Variants in SPINK6 observed in about 807,000 individuals in gnomAD.
SPINK6 encodes serine protease inhibitor Kazal-type 6.
In SPINK6, 13 loss-of-function variants were observed where a neutral mutation model predicts 11.7. The ratio of observed to expected loss-of-function variants is 1.11; its 90% CI spans 0.72 to 1.76. SPINK6 has a LOEUF of 1.76. Ranked by LOEUF, SPINK6 falls within the 40% of genes most tolerant of loss-of-function variation. The pLI is 0.00. For synonymous variants in SPINK6, 21 were observed against 31.9 expected, an observed-to-expected ratio of 0.66 and a Z score of 1.15; for missense variants, 98 against 93.7, an observed-to-expected ratio of 1.05 and a Z score of -0.19.
At position 148,203,111 on chromosome 5, in the gene SPINK6, C is replaced by T. The variant is rs562757764; in HGVS notation, c.15C>T (p.Gly5=). MKLS[G]MFLLLSLALF... ...TAACTGACACAATGAAACTGTCAGG[C>T]ATGTTTCTGCTCCTCTCTCTGGCTC... Residue 5 remains glycine (G), a synonymous_variant, in exon 1 of 4, where the codon GGC becomes GGT. Coordinates refer to ENST00000325630, the MANE Select transcript of SPINK6 (RefSeq NM_205841.4). 9.1e-5 allele frequency: 147 copies of T among 1,611,396 alleles called. No individual in the cohort carries two copies. In the South Asian group the frequency reaches 1.5e-3, roughly 16 times the overall value.
chr5:148,213,745 G>A (rs1162600086), intron 2 of SPINK6, among the ~76,000 whole-genome samples, 165 bp from the exon 3 acceptor site: 2 of 151,990 alleles, frequency 1.3e-5, no homozygotes, highest in Non-Finnish European at 2.9e-5. Context: ...TACTTAAGTA[G>A]GTAAGTAGAA....
At chr5:148,204,709 T>C (rs1447174775) in intron 1 of SPINK6, among the ~76,000 whole-genome samples, 1 of 152,016 alleles carries the variant, frequency 6.6e-6, no homozygotes, top group East Asian at 1.9e-4. Context: ...ATAGTGCATG[T>C]TTAACAAATG....
chr5:148,214,021 A>G lies in SPINK6; in HGVS notation c.193A>G (p.Ile65Val). The G allele has an allele frequency of 6.3e-7, 1 of 1,579,084 alleles. No individual in the cohort carries two copies. The highest frequency in any genetic ancestry group is 8.7e-7 in the Non-Finnish European group (1 of 1,148,042). Residue 65 changes from isoleucine (I) to valine (V), a missense_variant, in exon 3 of 4, where the codon ATA becomes GTA. Ile to Val is a conservative substitution (Grantham distance 29). Transcript: ENST00000325630. ...CAATAAATGTGCCTTCTGTAAGGCC[A>G]TAGTGTAAGTATTATATTCATCAAA... The part of the protein sequence containing the change: ...YGNKCAFCKA[I>V]VKSGGKISLK...
chr5:148,203,374 G>A (rs190561589), intron 1 of SPINK6, among the ~76,000 whole-genome samples: 13 of 152,180 alleles, frequency 8.5e-5, no homozygotes, highest in South Asian at 6.2e-4. Flanking sequence ...AGGCATGTAC[G>A]AAGGGATTTT....
At chr5:148,209,991 T>TACATACGTACGTGTGTATGTATAC (rs1398978551) in intron 2 of SPINK6, among the ~76,000 whole-genome samples, 2 of 145,404 alleles carry the variant, frequency 1.4e-5, no homozygotes, top group African/African-American at 2.5e-5. Flanking sequence ...TATGTATACA[T>TACATACGTACGTGTGTATGTATAC]ATACACGTAT....
In SPINK6 at chr5:148,214,026, G is replaced by T; in HGVS notation, c.197+1G>T. ...AATGTGCCTTCTGTAAGGCCATAGT[G>T]TAAGTATTATATTCATCAAAGCTGA... is the stretch of plus-strand genomic sequence containing the variant. On this transcript the variant is annotated splice_donor_variant, in intron 3 of 3. Transcript: ENST00000325630. LOFTEE classifies it high-confidence loss of function. The T allele has an allele frequency of 6.4e-7, 1 of 1,567,066 alleles. No homozygotes were observed. The highest frequency in any genetic ancestry group is 8.8e-7 in the Non-Finnish European group (1 of 1,137,274).
intron 1 of SPINK6, among the ~76,000 whole-genome samples, chr5:148,203,661 A>G (rs1755462604): frequency 6.6e-6 from 1 of 152,198 alleles, no homozygotes; most frequent in South Asian, 2.1e-4. Flanking sequence ...AAATAATTAA[A>G]TTAAGACAAT....
At chr5:148,211,810 C>T (rs571750820) in intron 2 of SPINK6, among the ~76,000 whole-genome samples, 2 of 152,296 alleles carry the variant, frequency 1.3e-5, no homozygotes, top group Admixed American at 6.5e-5. Context: ...TCTTCCTAGT[C>T]TTCTTCCACG....
intron 2 of SPINK6, among the ~76,000 whole-genome samples, chr5:148,207,623 G>A (rs968505809): frequency 6.6e-6 from 1 of 152,126 alleles, no homozygotes. Context: ...CTGAGGCCAG[G>A]AGTTAGAGAC....
At chr5:148,207,219 A>G (rs1034163522) in intron 2 of SPINK6, among the ~76,000 whole-genome samples, 1 of 152,194 alleles carries the variant, frequency 6.6e-6, no homozygotes, top group African/African-American at 2.4e-5. Context: ...CCCAGCCAAC[A>G]CATTTCGTAT....
At chr5:148,205,958 G>C (rs1299496529) in intron 1 of SPINK6, 78 bp from the exon 2 acceptor site, 1 of 1,492,592 alleles carries the variant, frequency 6.7e-7, no homozygotes, top group Non-Finnish European at 9.3e-7. Flanking sequence ...GTAGATATTA[G>C]GAATTTCCTA....
rs536362467 is a variant in SPINK6 at position 148,209,963 on chromosome 5, C to A, written c.81+3905C>A. On this transcript the variant is annotated intron_variant, in intron 2 of 3. Coordinates refer to ENST00000325630, the MANE Select transcript of SPINK6 (RefSeq NM_205841.4). ...GTAAAAGGTTTCATATATATGTATACATACATACGTACGTATGTATGTATA... is the reference window on the plus strand; with the variant it reads ...GTAAAAGGTTTCATATATATGTATAAATACATACGTACGTATGTATGTATA... Among the ~76,000 whole-genome samples, 7 of 149,178 alleles carry A rather than the reference C, an allele frequency of 4.7e-5. 2 individuals carry two copies. The highest frequency in any genetic ancestry group is 2.9e-5 in the Non-Finnish European group (2 of 67,804).
chr5:148,209,991 T>TACGTACGTATGTATGTATAC (rs1398978551), intron 2 of SPINK6, among the ~76,000 whole-genome samples: 3 of 145,404 alleles, frequency 2.1e-5, no homozygotes, highest in African/African-American at 5.1e-5. Flanking sequence ...TATGTATACA[T>TACGTACGTATGTATGTATAC]ATACACGTAT....
intron 2 of SPINK6, among the ~76,000 whole-genome samples, chr5:148,212,539 A>ATATATATT (rs1561733599): frequency 6.6e-5 from 2 of 30,218 alleles, no homozygotes; most frequent in African/African-American, 1.3e-4. Flanking sequence ...ATTTTATATA[A>ATATATATT]GTATATATTT....
chr5:148,212,699 T>G (rs1413758242), intron 2 of SPINK6, among the ~76,000 whole-genome samples: 3 of 117,536 alleles, frequency 2.6e-5, no homozygotes, highest in East Asian at 2.2e-4. Flanking sequence ...AACTATATAT[T>G]TATACAATAT....
At chr5:148,206,524 A>C (rs1471578030) in intron 2 of SPINK6, among the ~76,000 whole-genome samples, 1 of 152,232 alleles carries the variant, frequency 6.6e-6, no homozygotes, top group Non-Finnish European at 1.5e-5. Context: ...TGAAGAAGTT[A>C]GGATATAAGT....
At chr5:148,203,827 TTA>T (rs1325179602) in intron 1 of SPINK6, among the ~76,000 whole-genome samples, 3 of 152,090 alleles carry the variant, frequency 2.0e-5, no homozygotes, top group African/African-American at 7.2e-5. Context: ...TACTTCAAGG[TTA>T]TGTTTTTTAA....
chr5:148,212,530 T>TTTTATAAGTATATATTTATATA (rs1561733585), intron 2 of SPINK6, among the ~76,000 whole-genome samples: 2 of 116,508 alleles, frequency 1.7e-5, no homozygotes, highest in African/African-American at 7.1e-5. Context: ...AAAGTATATA[T>TTTTATAAGTATATATTTATATA]TTTATATAAG....
In SPINK6 at chr5:148,215,115, A is replaced by T; in HGVS notation, c.*165A>T. ...TCTATTTCTCTTGATTCACTTGTCA[A>T]TAAAGTACATTCTGCAAAAGCATTG... On this transcript the variant is annotated 3_prime_UTR_variant, in exon 4 of 4. Coordinates refer to ENST00000325630, the MANE Select transcript of SPINK6 (RefSeq NM_205841.4). The T allele has an allele frequency of 1.7e-6, 1 of 577,140 alleles. No individual in the cohort carries two copies. Among genetic ancestry groups the T allele is most frequent in the Admixed American group, 3.2e-5 (1 of 31,160 alleles). 35.8% of individuals were successfully genotyped at this position (577,140 alleles called of 1,614,324 possible). A position where few individuals can be genotyped will look rare whatever the true frequency, so the allele number is the denominator to read the frequency against.
Sources: gnomAD v4.1 joint callset for allele counts (sites outside exome capture counted in the v4.1 genomes callset) on GRCh38, gnomAD v4.1.1 for gene constraint, MANE v1.5 for transcripts, NCBI Gene and HGNC (gene_info 2026-07-23, HGNC 2026-07-21) for gene names.